Variants in ZFAT observed in about 807,000 individuals in gnomAD.
ZFAT encodes zinc finger protein ZFAT.
A neutral mutation model predicts 117.7 loss-of-function variants in ZFAT; 64 were observed. The observed-to-expected ratio is 0.54, with a 90% CI of 0.44 to 0.67. The LOEUF (loss-of-function observed/expected upper bound fraction) is 0.67, where lower values mean the gene tolerates loss of function less well. Ranked by LOEUF, ZFAT falls within the 30% of genes least tolerant of loss-of-function variation. ZFAT has a pLI of 0.00. For synonymous variants in ZFAT, 679 were observed against 615.0 expected, an observed-to-expected ratio of 1.10 and a Z score of -1.54; for missense variants, 1,433 against 1,584.5, an observed-to-expected ratio of 0.90 and a Z score of 1.62.
At chr8:134,760,815 G>A in the ZFAT span, among the ~76,000 whole-genome samples, 9 of 152,270 alleles carry the variant, frequency 5.9e-5, no homozygotes, top group East Asian at 5.8e-4. Context: ...GAGAACATAC[G>A]AGAATTTTAA....
chr8:134,685,919 T>C lies in ZFAT; in HGVS notation c.19+26926A>G, dbSNP rs564263528. On this transcript the variant is annotated intron_variant, in intron 1 of 15. Transcript: ENST00000377838. ...AGTAAGTGAGGGGCTGCTGTTCCCA[T>C]CTTAAGACGAGTTAAGTGGGCCAGG... 2.6e-4 allele frequency among the ~76,000 whole-genome samples: 40 copies of C among 152,330 alleles called. No homozygotes were observed. The East Asian group carries it at 6.7e-3, about 26-fold the overall frequency.
At chr8:134,693,809 C>A (rs1376432634) in intron 1 of ZFAT, among the ~76,000 whole-genome samples, 2 of 152,138 alleles carry the variant, frequency 1.3e-5, no homozygotes, top group Non-Finnish European at 2.9e-5. Flanking sequence ...TCTCAAATAG[C>A]TCACCACAAG....
chr8:134,478,346 T>C lies in ZFAT; in HGVS notation c.*136A>G. ...CCCACCCCAAGTTGGACTAGGAGAG[T>C]CCTATCAGGCTGCTGGGCAGGGAGG... On this transcript the variant is annotated 3_prime_UTR_variant, in exon 16 of 16. Coordinates refer to ENST00000377838, the MANE Select transcript of ZFAT (RefSeq NM_020863.4). The surrounding 1 kb of genome is among the most constrained non-coding windows in gnomAD (Gnocchi z 5.2). 1 of 1,341,432 alleles carries C rather than the reference T, an allele frequency of 7.5e-7. No homozygotes were observed. The highest frequency in any genetic ancestry group is 2.5e-5 in the East Asian group (1 of 39,558). 83.1% of individuals were successfully genotyped at this position (1,341,432 alleles called of 1,614,324 possible).
the ZFAT span, chr8:134,767,115 T>C: frequency 6.6e-6 from 1 of 152,346 alleles, no homozygotes; most frequent in East Asian, 1.9e-4. Flanking sequence ...ACTTTGAAAT[T>C]TGCTGAGATG....
chr8:134,548,246 T>A (rs932537732), intron 11 of ZFAT, among the ~76,000 whole-genome samples: 2 of 152,240 alleles, frequency 1.3e-5, no homozygotes, highest in Non-Finnish European at 2.9e-5. Flanking sequence ...CATTCTAGCA[T>A]TATGAACAAG....
chr8:134,672,824 GA>G (rs1448466747), intron 1 of ZFAT, among the ~76,000 whole-genome samples: 2 of 152,054 alleles, frequency 1.3e-5, no homozygotes, highest in Non-Finnish European at 2.9e-5. Flanking sequence ...ATTTTCAAAG[GA>G]AGAAAAACTG....
intron 1 of ZFAT, among the ~76,000 whole-genome samples, chr8:134,658,481 G>C (rs1367374952): frequency 1.3e-5 from 2 of 152,112 alleles, no homozygotes; most frequent in African/African-American, 4.8e-5. Context: ...TTTCTCAACA[G>C]CCCAGCACCT....
intron 11 of ZFAT, among the ~76,000 whole-genome samples, chr8:134,562,850 C>A (rs1194161477): frequency 6.6e-6 from 1 of 152,154 alleles, no homozygotes; most frequent in African/African-American, 2.4e-5. Flanking sequence ...CAAAACAAAA[C>A]AACAACAATA....
rs116949908 is a variant in ZFAT at position 134,507,732 on chromosome 8, A to T, written c.3492+1887T>A. On this transcript the variant is annotated intron_variant, in intron 15 of 15. Coordinates refer to ENST00000377838, the MANE Select transcript of ZFAT (RefSeq NM_020863.4). The stretch of plus-strand genomic sequence containing the variant: ...CATTGCCTGCGAGGCTCAATAAATC[A>T]TGTCTCCCAGCAGCAGCAAATCAAT... Among the ~76,000 whole-genome samples the T allele has an allele frequency of 3.2e-4, 48 of 152,268 alleles. No individual in the cohort carries two copies. The East Asian group carries it at 8.5e-3, about 27-fold the overall frequency.
At chr8:134,741,824 G>A in the ZFAT span, among the ~76,000 whole-genome samples, 6 of 151,330 alleles carry the variant, frequency 4.0e-5, no homozygotes, top group Admixed American at 3.3e-4. Context: ...CCTGATGCCA[G>A]TAGAATGGCA....
At chr8:134,800,797 C>T in the ZFAT span, among the ~76,000 whole-genome samples, 1 of 152,036 alleles carries the variant, frequency 6.6e-6, no homozygotes, top group Middle Eastern at 3.4e-3. Flanking sequence ...GAAGTGGGGG[C>T]GTGTCCAGGG....
At chr8:134,608,919 C>T (rs539530523) in intron 4 of ZFAT, 40 bp from the exon 5 acceptor site, 22 of 1,583,316 alleles carry the variant, frequency 1.4e-5, no homozygotes, top group African/African-American at 2.7e-5. Flanking sequence ...TGAGAGGCAT[C>T]GAAAGTGGGC....
chr8:134,809,180 T>C, the ZFAT span, among the ~76,000 whole-genome samples: 1 of 152,204 alleles, frequency 6.6e-6, no homozygotes, highest in Non-Finnish European at 1.5e-5. Context: ...CCAGTGGTTC[T>C]CAATGCACTC....
chr8:134,761,836 G>A, the ZFAT span, among the ~76,000 whole-genome samples: 3 of 151,884 alleles, frequency 2.0e-5, no homozygotes, highest in Admixed American at 1.3e-4. Context: ...TCATTTATCA[G>A]CCCATGATCT....
At chr8:134,812,512 C>G in the ZFAT span, among the ~76,000 whole-genome samples, 3 of 152,174 alleles carry the variant, frequency 2.0e-5, no homozygotes, top group South Asian at 6.2e-4. Flanking sequence ...GGGCAAATCA[C>G]TTGAGTCCAG....
intron 1 of ZFAT, among the ~76,000 whole-genome samples, chr8:134,685,206 G>A (rs1238639524): frequency 1.3e-5 from 2 of 152,014 alleles, no homozygotes; most frequent in African/African-American, 4.8e-5. Context: ...GAGAAACCTG[G>A]GGCTCAGGTT....
At chr8:134,698,322 T>TC (rs1833927365) in intron 1 of ZFAT, among the ~76,000 whole-genome samples, 1 of 32,128 alleles carries the variant, frequency 3.1e-5, no homozygotes, top group South Asian at 1.4e-3. Context: ...AGACTCCATC[T>TC]CAAAAAAAAA....
the ZFAT span, among the ~76,000 whole-genome samples, chr8:134,808,026 T>C: frequency 0.23 from 34,271 of 152,180 alleles, 4,081 homozygotes; most frequent in African/African-American, 0.27. Flanking sequence ...TTCTCATCCT[T>C]ATGCAGTAAC....
chr8:134,724,177 A>G, the ZFAT span, among the ~76,000 whole-genome samples: 1 of 152,126 alleles, frequency 6.6e-6, no homozygotes, highest in African/African-American at 2.4e-5. Flanking sequence ...ATGTAAAGAA[A>G]CTTTGGGACT....
Sources: gnomAD v4.1 joint callset for allele counts (sites outside exome capture counted in the v4.1 genomes callset) on GRCh38, gnomAD v4.1.1 for gene constraint, Gnocchi (gnomAD v3.1) non-coding constraint, MANE v1.5 for transcripts, NCBI Gene and HGNC (gene_info 2026-07-23, HGNC 2026-07-21) for gene names.